PPIC: variants seen among roughly 807,000 people sequenced by gnomAD.
The protein encoded by PPIC is peptidylprolyl isomerase C.
In PPIC, 19 loss-of-function variants were observed where a neutral mutation model predicts 19.5. The observed-to-expected ratio is 0.98, with a 90% CI of 0.68 to 1.43. The LOEUF (loss-of-function observed/expected upper bound fraction) is 1.43. Among genes scored for constraint, PPIC ranks in the 40% most tolerant of loss-of-function variants. PPIC has a pLI of 0.00. For missense variants in PPIC, 268 were observed against 268.6 expected (o/e 1.00, Z 0.02); for synonymous variants, 107 against 101.2 (o/e 1.06, Z -0.34).
intron 4 of PPIC, among the ~76,000 whole-genome samples, 193 bp from the exon 5 acceptor site, chr5:123,024,196 T>A (rs1011239637): frequency 3.9e-5 from 6 of 152,176 alleles, no homozygotes; most frequent in African/African-American, 1.2e-4. Flanking sequence ...AGAAAATATA[T>A]ACATCACATA....
At chr5:123,028,937 C>G in intron 2 of PPIC, 69 bp from the exon 3 acceptor site, 2 of 1,307,740 alleles carry the variant, frequency 1.5e-6, no homozygotes, top group Non-Finnish European at 2.2e-6. Flanking sequence ...CAGTGTTGAT[C>G]TAGAAAGGAC....
Position 123,028,870 on chromosome 5 carries a change from T to A in PPIC, c.232-2A>T. On this transcript the variant is annotated splice_acceptor_variant, in intron 2 of 4. Transcript: ENST00000306442. LOFTEE classifies it high-confidence loss of function. ...GCTTCCTTTATATCCATATCCTTTC[T>A]AAAGAGATTACTTCAGTTGAATAAC... 1.3e-6 allele frequency: 2 copies of A among 1,594,242 alleles called. No homozygotes were observed. The highest frequency in any genetic ancestry group is 1.7e-6 in the Non-Finnish European group (2 of 1,162,436).
chr5:123,023,853 T>A lies in PPIC; in HGVS notation c.*22A>T, dbSNP rs766018743. The A allele has an allele frequency of 4.2e-5, 67 of 1,592,010 alleles. 1 individual carries two copies. The South Asian group carries it at 7.0e-4, about 17-fold the overall frequency. On this transcript the variant is annotated 3_prime_UTR_variant, in exon 5 of 5. Transcript: ENST00000306442. ...ACACACACACCCCTGCCAAAGCATA[T>A]CCTTGTTTTCTGCCAGTTGTGTCAC... is the stretch of plus-strand genomic sequence containing the variant.
rs755204093 is a variant in PPIC at position 123,028,834 on chromosome 5, C to T, written c.266G>A (p.Arg89His). ...TTGAATCATGAAATCCTTGATGACA[C>T]GATGAAACTTGCTTCCTTTATATCC... ...GYGYKGSKFHRVIKDFMIQGG... is the reference protein window; with the variant it reads ...GYGYKGSKFHHVIKDFMIQGG... Residue 89 changes from arginine to histidine, a missense_variant, in exon 3 of 5, where the codon CGT becomes CAT. Arg to His is a conservative substitution (Grantham distance 29, BLOSUM62 0). Coordinates refer to ENST00000306442, the MANE Select transcript of PPIC (RefSeq NM_000943.5). 7.7e-5 allele frequency: 124 copies of T among 1,613,354 alleles called. No homozygotes were observed. Among genetic ancestry groups the T allele is most frequent in the Non-Finnish European group, 9.1e-5 (107 of 1,179,452 alleles).
In PPIC at chr5:123,036,414, A is replaced by C; in HGVS notation, c.117+95T>G. 1 of 1,162,202 alleles carries C rather than the reference A, an allele frequency of 8.6e-7. No homozygotes were observed. Among genetic ancestry groups the C allele is most frequent in the East Asian group, 2.6e-5 (1 of 38,974 alleles). 72.0% of individuals were successfully genotyped at this position (1,162,202 alleles called of 1,614,324 possible). A position where few individuals can be genotyped will look rare whatever the true frequency, so the allele number is the denominator to read the frequency against. On this transcript the variant is annotated intron_variant, in intron 1 of 4. Transcript: ENST00000306442. The surrounding 1 kb of genome is among the most constrained non-coding windows in gnomAD (Gnocchi z 4.5). ...GTCCCCCTGCGCCCGGGAAGCCTCC[A>C]CCTCGCCCGCCCTGACACCGAGGTC...
chr5:123,036,509 C>T lies in PPIC; in HGVS notation c.117G>A (p.Lys39=), dbSNP rs1205708937. ...GTTGCAGCCCGCCGCTCTCGGTCAC[C>T]TTGGCCGTCACCGAGGGGCCTCGCT... The part of the protein sequence containing the change: ...FRKRGPSVTA[K]VFFDVRIGDK... The change falls in exon 1 of 5, where the codon AAG becomes AAA. Residue 39 remains lysine, a splice_region_variant and synonymous_variant. Transcript: ENST00000306442. This position sits in a 1 kb window ranked among gnomAD's most constrained non-coding sequence, Gnocchi z 4.5. 5 of 1,605,804 alleles carry T rather than the reference C, an allele frequency of 3.1e-6. No individual in the cohort carries two copies. Among genetic ancestry groups the T allele is most frequent in the African/African-American group, 1.3e-5 (1 of 74,820 alleles).
chr5:123,033,555 T>C (rs954376332), intron 1 of PPIC, among the ~76,000 whole-genome samples: 1 of 152,230 alleles, frequency 6.6e-6, no homozygotes, highest in African/African-American at 2.4e-5. Flanking sequence ...TCTTGAATCT[T>C]ACAGCTCATA....
intron 1 of PPIC, among the ~76,000 whole-genome samples, chr5:123,033,944 T>G (rs1762971943): frequency 6.6e-6 from 1 of 152,210 alleles, no homozygotes. Flanking sequence ...TGGAGCCCAA[T>G]GAGCCAGAGC....
Position 123,036,546 on chromosome 5 carries a change from T to G in PPIC, c.80A>C (p.Glu27Ala), listed in dbSNP as rs1468781568. ...CGAGGGGCCTCGCTTGCGGAAGCCC[T>G]CGGCCCCCGAAGAAAACACAAGTGC... ...LGALVFSSGA[E>A]GFRKRGPSVT... Residue 27 changes from glutamate (E) to alanine (A), a missense_variant, in exon 1 of 5, where the codon GAG becomes GCG. Glu to Ala is a moderately radical substitution (Grantham distance 107). Coordinates refer to ENST00000306442, the MANE Select transcript of PPIC (RefSeq NM_000943.5). This position sits in a 1 kb window ranked among gnomAD's most constrained non-coding sequence, Gnocchi z 4.5. 3.1e-6 allele frequency: 5 copies of G among 1,604,706 alleles called. No homozygotes were observed. Among genetic ancestry groups the G allele is most frequent in the Non-Finnish European group, 4.2e-6 (5 of 1,177,154 alleles).
At chr5:123,032,075 G>T (rs930046560) in intron 1 of PPIC, among the ~76,000 whole-genome samples, 1 of 152,230 alleles carries the variant, frequency 6.6e-6, no homozygotes, top group Non-Finnish European at 1.5e-5. Context: ...GGGATTACAG[G>T]CATGAGCCAC....
intron 1 of PPIC, among the ~76,000 whole-genome samples, chr5:123,032,700 C>T (rs1244309776): frequency 6.6e-6 from 1 of 152,068 alleles, no homozygotes; most frequent in Non-Finnish European, 1.5e-5. Context: ...GAGCTTCAGT[C>T]CAACAGAAAA....
At chr5:123,034,560 A>G (rs1168463285) in intron 1 of PPIC, among the ~76,000 whole-genome samples, 1 of 152,166 alleles carries the variant, frequency 6.6e-6, no homozygotes, top group African/African-American at 2.4e-5. Context: ...ACAGATTGTG[A>G]TTGACTTGCT....
At chr5:123,035,921 G>C (rs967210738) in intron 1 of PPIC, among the ~76,000 whole-genome samples, 1 of 151,746 alleles carries the variant, frequency 6.6e-6, no homozygotes, top group East Asian at 2.0e-4. Context: ...CCGCCCGCCC[G>C]CCGAAGTTGA....
intron 2 of PPIC, 89 bp from the exon 3 acceptor site, chr5:123,028,957 A>C (rs981799170): frequency 1.0e-4 from 111 of 1,114,684 alleles, no homozygotes; most frequent in Non-Finnish European, 1.0e-5. Context: ...CAAACTGAGA[A>C]AATTAAACAA....
Position 123,029,323 on chromosome 5 carries a change from A to G in PPIC, c.213T>C (p.Val71=), listed in dbSNP as rs1284606231. ...KVVPKTVENF[V]ALATGEKGYG... ...GACATACCTCTCCTGTTGCTAGAGC[A>G]ACAAAATTTTCCACTGTCTTGGGCA... The change falls in exon 2 of 5, where the codon GTT becomes GTC. Residue 71 remains valine, a synonymous_variant. Transcript: ENST00000306442. 1 of 1,614,028 alleles carries G rather than the reference A, an allele frequency of 6.2e-7. No homozygotes were observed. The highest frequency in any genetic ancestry group is 8.5e-7 in the Non-Finnish European group (1 of 1,179,932).
chr5:123,027,664 C>CT (rs1377663494), intron 3 of PPIC, among the ~76,000 whole-genome samples: 1 of 152,150 alleles, frequency 6.6e-6, no homozygotes, highest in Non-Finnish European at 1.5e-5. Context: ...AATCAAAGCA[C>CT]TTAATAGTAG....
In PPIC at chr5:123,025,822, C is replaced by T. The variant is rs143084462; in HGVS notation, c.472G>A (p.Gly158Ser). The T allele has an allele frequency of 5.7e-3, 9,276 of 1,613,804 alleles. 38 individuals carry two copies. Among genetic ancestry groups the T allele is most frequent in the Non-Finnish European group, 7.2e-3 (8,508 of 1,179,964 alleles). The change falls in exon 4 of 5, where the codon GGC becomes AGC. Residue 158 changes from glycine (G) to serine (S), a missense_variant. Transcript: ENST00000306442. Reference protein sequence around the residue: ...ITLTKPTWLDGKHVVFGKVID... With the variant: ...ITLTKPTWLDSKHVVFGKVID... ...ACTTTTCCAAACACCACATGTTTGC[C>T]GTCCAACCAGGTGGGCTTGGTCAAG...
chr5:123,033,224 A>G (rs1762965145), intron 1 of PPIC, among the ~76,000 whole-genome samples: 2 of 152,314 alleles, frequency 1.3e-5, no homozygotes, highest in South Asian at 4.1e-4. Flanking sequence ...AATAACACTA[A>G]CAAGTGACTT....
chr5:123,034,449 C>T (rs1762978913), intron 1 of PPIC, among the ~76,000 whole-genome samples: 1 of 152,110 alleles, frequency 6.6e-6, no homozygotes, highest in African/African-American at 2.4e-5. Context: ...CACCAGCTTC[C>T]TCCTCTCTTG....
Sources: allele counts gnomAD v4.1 joint callset (sites outside exome capture counted in the v4.1 genomes callset), GRCh38; gene constraint gnomAD v4.1.1; non-coding constraint Gnocchi (gnomAD v3.1); transcripts MANE v1.5; gene names NCBI Gene and HGNC (gene_info 2026-07-23, HGNC 2026-07-21).